NUGGC: variants seen among roughly 807,000 people sequenced by gnomAD.
NUGGC encodes the protein nuclear GTPase SLIP-GC.
In NUGGC, 58 loss-of-function variants were observed where a neutral mutation model predicts 92.6. The observed-to-expected ratio is 0.63, with a 90% CI of 0.51 to 0.78. NUGGC has a LOEUF of 0.78. Ranked by LOEUF, NUGGC falls within the 30% of genes least tolerant of loss-of-function variation. The pLI, the probability that NUGGC is intolerant of heterozygous loss-of-function variation, is 0.00. For synonymous variants in NUGGC, 376 were observed against 366.4 expected (o/e 1.03, Z -0.30); for missense variants, 925 against 964.6 (o/e 0.96, Z 0.54).
chr8:28,068,893 C>T (rs190651747), intron 4 of NUGGC, among the ~76,000 whole-genome samples: 16 of 152,190 alleles, frequency 1.1e-4, no homozygotes, highest in East Asian at 5.8e-4. Context: ...TGCTCCATGA[C>T]GCCTGGCTAA....
At chr8:28,078,042 G>T (rs1293893588) in intron 1 of NUGGC, among the ~76,000 whole-genome samples, 1 of 152,234 alleles carries the variant, frequency 6.6e-6, no homozygotes, top group Non-Finnish European at 1.5e-5. Context: ...ACAGTACACA[G>T]TGTCCAGCAA....
chr8:28,077,848 A>AACAC (rs1810761417), intron 1 of NUGGC, among the ~76,000 whole-genome samples: 1 of 152,242 alleles, frequency 6.6e-6, no homozygotes, highest in Non-Finnish European at 1.5e-5. Context: ...AGTCGTGGTC[A>AACAC]TACAGACACT....
intron 6 of NUGGC, among the ~76,000 whole-genome samples, chr8:28,066,332 A>C (rs1474591083): frequency 6.6e-6 from 1 of 152,240 alleles, no homozygotes; most frequent in African/African-American, 2.4e-5. Flanking sequence ...AGATAGTAAC[A>C]TGCTTTGAAA....
At chr8:28,071,339 G>A (rs1361387883) in intron 2 of NUGGC, among the ~76,000 whole-genome samples, 1 of 152,150 alleles carries the variant, frequency 6.6e-6, no homozygotes, top group Non-Finnish European at 1.5e-5. Context: ...GAAGCAGAAT[G>A]CAAAGGAAAA....
At chr8:28,079,264 G>A (rs1036100301) in intron 1 of NUGGC, among the ~76,000 whole-genome samples, 9 of 152,104 alleles carry the variant, frequency 5.9e-5, no homozygotes, top group South Asian at 4.1e-4. Context: ...AATGCGGGCC[G>A]GGTGCGGTGG....
intron 1 of NUGGC, among the ~76,000 whole-genome samples, chr8:28,080,828 G>C (rs1700135332): frequency 6.6e-6 from 1 of 152,198 alleles, no homozygotes; most frequent in Non-Finnish European, 1.5e-5. Flanking sequence ...TGTGGTCACA[G>C]TATCTGCAAA....
In NUGGC at chr8:28,067,576, G is replaced by A; in HGVS notation, c.649C>T (p.Leu217=). Residue 217 remains leucine, a synonymous_variant, in exon 6 of 19, where the codon CTG becomes TTG. Coordinates refer to ENST00000413272, the MANE Select transcript of NUGGC (RefSeq NM_001010906.2). ...ATCTTCCTTTTGGGCTTCGCCCTCAGTAACTCCTCATAGTTCTTACTCTCT... is the reference window on the plus strand; with the variant it reads ...ATCTTCCTTTTGGGCTTCGCCCTCAATAACTCCTCATAGTTCTTACTCTCT... ...GAESKNYEEL[L]RAKPKRKIPT... 1 of 1,613,594 alleles carries A rather than the reference G, an allele frequency of 6.2e-7. No individual in the cohort carries two copies. The highest frequency in any genetic ancestry group is 8.5e-7 in the Non-Finnish European group (1 of 1,179,714).
chr8:28,035,166 T>C (rs1335875313), intron 13 of NUGGC, among the ~76,000 whole-genome samples: 1 of 152,226 alleles, frequency 6.6e-6, no homozygotes, highest in Non-Finnish European at 1.5e-5. Flanking sequence ...CTCTGCCTCA[T>C]GCCTTCGTCC....
chr8:28,072,938 T>C (rs963831078), intron 2 of NUGGC, among the ~76,000 whole-genome samples: 3 of 151,714 alleles, frequency 2.0e-5, no homozygotes, highest in African/African-American at 7.3e-5. Context: ...TGCCACAAGG[T>C]GTCAGTTTTG....
intron 10 of NUGGC, among the ~76,000 whole-genome samples, chr8:28,048,927 A>G (rs895855109): frequency 8.6e-5 from 13 of 151,978 alleles, no homozygotes; most frequent in Admixed American, 4.6e-4. Context: ...TTGTGCTTAG[A>G]AAAACAGTGT....
chr8:28,030,126 G>A (rs1809377211), intron 16 of NUGGC, among the ~76,000 whole-genome samples, 184 bp downstream of exon 16: 1 of 152,194 alleles, frequency 6.6e-6, no homozygotes, highest in Non-Finnish European at 1.5e-5. Context: ...GAAAGAGCTG[G>A]AAAACACACA....
chr8:28,071,442 A>C (rs62496859), intron 2 of NUGGC, among the ~76,000 whole-genome samples: 5,196 of 152,304 alleles, frequency 0.034, 107 homozygotes, highest in Non-Finnish European at 0.046. Flanking sequence ...ATACACATGC[A>C]TTACAAGAGT....
chr8:28,030,478 G>C, intron 15 of NUGGC, 60 bp from the exon 16 acceptor site: 1 of 852,536 alleles, frequency 1.2e-6, no homozygotes, highest in South Asian at 1.4e-5. Flanking sequence ...AGCAGGTCAG[G>C]TGTCCCAGTG....
At chr8:28,028,798 T>C (rs1374133648) in intron 17 of NUGGC, among the ~76,000 whole-genome samples, 1 of 152,186 alleles carries the variant, frequency 6.6e-6, no homozygotes, top group African/African-American at 2.4e-5. Context: ...TATTGATATT[T>C]ACTTACTGAC....
intron 1 of NUGGC, among the ~76,000 whole-genome samples, 173 bp downstream of exon 1, chr8:28,083,602 A>T (rs532190278): frequency 1.3e-5 from 2 of 152,330 alleles, no homozygotes; most frequent in South Asian, 4.1e-4. Flanking sequence ...AGTTGTAACA[A>T]ATGTACCACA....
At chr8:28,070,116 T>C in intron 3 of NUGGC, 136 bp downstream of exon 3, 2 of 1,441,462 alleles carry the variant, frequency 1.4e-6, no homozygotes, top group Non-Finnish European at 1.8e-6. Flanking sequence ...ACAGAGACTT[T>C]GAGCCCTCTC....
Position 28,068,417 on chromosome 8 carries a change from A to G in NUGGC, c.279T>C (p.Ile93=). The change falls in exon 5 of 19, where the codon ATT becomes ATC. Residue 93 remains isoleucine, a synonymous_variant. Transcript: ENST00000413272. ...AGATTGGGTCCACTGTCGGCTTTTC[A>G]ATCAAGGCAAGAAGCCTATTTCTGG... ...KYLINRLLAL[I]EKPTVDPIYI... is the part of the protein sequence containing the mutation. 1 of 1,572,332 alleles carries G rather than the reference A, an allele frequency of 6.4e-7. No homozygotes were observed. The highest frequency in any genetic ancestry group is 8.6e-7 in the Non-Finnish European group (1 of 1,157,442).
chr8:28,041,838 A>C (rs1428094493), intron 12 of NUGGC, among the ~76,000 whole-genome samples: 1 of 152,216 alleles, frequency 6.6e-6, no homozygotes, highest in Non-Finnish European at 1.5e-5. Flanking sequence ...GAAAACATAT[A>C]TTCAAATAAT....
chr8:28,078,688 G>A (rs1024710206), intron 1 of NUGGC, among the ~76,000 whole-genome samples: 3 of 152,124 alleles, frequency 2.0e-5, no homozygotes, highest in Non-Finnish European at 4.4e-5. Flanking sequence ...AACTGAGACC[G>A]TACCAATGAT....
Sources: allele counts gnomAD v4.1 joint callset (sites outside exome capture counted in the v4.1 genomes callset), GRCh38; gene constraint gnomAD v4.1.1; transcripts MANE v1.5; gene names NCBI Gene and HGNC (gene_info 2026-07-23, HGNC 2026-07-21).